AP3M2: variants seen among roughly 807,000 people sequenced by gnomAD.
AP3M2 encodes the protein AP-3 complex subunit mu-2.
In AP3M2, 28 loss-of-function variants were observed where a neutral mutation model predicts 41.6. The observed-to-expected ratio is 0.67, with a 90% CI of 0.50 to 0.92. The LOEUF is 0.92. Among genes scored for constraint, AP3M2 ranks in the 40% least tolerant of loss-of-function variants. AP3M2 has a pLI of 0.00. For missense variants in AP3M2, 427 were observed against 521.4 expected (o/e 0.82, Z 1.76); for synonymous variants, 193 against 186.4 (o/e 1.04, Z -0.29).
At chr8:42,168,277 T>A in intron 8 of AP3M2, 1 of 454,102 alleles carries the variant, frequency 2.2e-6, no homozygotes, top group Non-Finnish European at 4.4e-6. Context: ...TGTGCCGACC[T>A]TAGCACGGTA....
At chr8:42,156,159 A>G (rs551703283) in intron 2 of AP3M2, 20 of 378,724 alleles carry the variant, frequency 5.3e-5, no homozygotes, top group African/African-American at 3.8e-4. Flanking sequence ...TTCTGAGATT[A>G]ACAGTCGCAC....
intron 3 of AP3M2, among the ~76,000 whole-genome samples, chr8:42,161,442 C>CT (rs1804503073): frequency 1.3e-5 from 2 of 151,986 alleles, no homozygotes; most frequent in African/African-American, 4.8e-5. Context: ...AACCCCGTCT[C>CT]TACTAAAAAT....
At chr8:42,165,809 C>G (rs1451309740) in intron 6 of AP3M2, 2 of 392,776 alleles carry the variant, frequency 5.1e-6, no homozygotes, top group Non-Finnish European at 9.0e-6. Context: ...GTGCTTAACA[C>G]AAAGAAGTGC....
At position 42,154,739 on chromosome 8, in the gene AP3M2, A is replaced by G; in HGVS notation, c.52A>G (p.Lys18Glu). ...CTCCTCTGGAGACATTTTCCTGGAG[A>G]AACATTGGAAAAGTGTGGTCAGCCG... is the stretch of plus-strand genomic sequence containing the variant. ...INSSGDIFLE[K>E]HWKSVVSRSV... Residue 18 changes from lysine (K) to glutamate (E), a missense_variant, in exon 2 of 9, where the codon AAA (lysine) becomes GAA (glutamate). Physicochemically the swap from Lys to Glu is moderately conservative, Grantham distance 56. Around this residue, in one of 3 missense-constraint regions of AP3M2, gnomAD observed 104 missense variants for 93.8 expected, o/e 1.11. Transcript: ENST00000396926. 1 of 1,614,112 alleles carries G rather than the reference A, an allele frequency of 6.2e-7. No homozygotes were observed. The highest frequency in any genetic ancestry group is 8.5e-7 in the Non-Finnish European group (1 of 1,180,020).
intron 2 of AP3M2, chr8:42,156,189 T>C: frequency 2.9e-6 from 1 of 349,624 alleles, no homozygotes; most frequent in Non-Finnish European, 5.7e-6. Flanking sequence ...TGACAGCCGC[T>C]ATATGGCCAT....
At chr8:42,159,364 G>C (rs1433991686) in intron 3 of AP3M2, among the ~76,000 whole-genome samples, 1 of 152,142 alleles carries the variant, frequency 6.6e-6, no homozygotes, top group Non-Finnish European at 1.5e-5. Flanking sequence ...CAATTTCAAA[G>C]CACTGTAGTG....
At position 42,166,766 on chromosome 8, in the gene AP3M2, C is replaced by CA. The variant is rs1334208187; in HGVS notation, c.804-388dup. On this transcript the variant is annotated intron_variant, in intron 6 of 8. Transcript: ENST00000396926. ...AGGCTGACCGAGCCAGACCCTATCTCAAAAAAAAAAGAAAGAAATTATAAA... is the reference window on the plus strand; with the variant it reads ...AGGCTGACCGAGCCAGACCCTATCTCAAAAAAAAAAAGAAAGAAATTATAAA... The CA allele has an allele frequency of 8.6e-3, 1,534 of 179,336 alleles. 5 individuals carry two copies. The highest frequency in any genetic ancestry group is 1.0e-2 in the Non-Finnish European group (862 of 86,266). The allele number at this position is 179,336 out of a possible 1,614,324, so 11.1% of individuals were successfully genotyped here.
chr8:42,165,264 C>A, intron 5 of AP3M2, 108 bp downstream of exon 5: 1 of 1,434,034 alleles, frequency 7.0e-7, no homozygotes, highest in Non-Finnish European at 9.6e-7. Flanking sequence ...TTAGGACAGC[C>A]ACGAAGCTTG....
At chr8:42,168,093 T>G in intron 8 of AP3M2, 1 of 563,474 alleles carries the variant, frequency 1.8e-6, no homozygotes, top group Admixed American at 2.2e-5. Flanking sequence ...TTGGATCATC[T>G]TAGGGTTGTT....
chr8:42,161,935 A>G (rs1305926836), intron 3 of AP3M2: 2 of 164,682 alleles, frequency 1.2e-5, no homozygotes, highest in Non-Finnish European at 2.6e-5. Flanking sequence ...TGAAATTTTT[A>G]TATCAATATG....
Position 42,167,296 on chromosome 8 carries a change from C to A in AP3M2, c.936C>A (p.Ser312Arg). 1 of 1,614,134 alleles carries A rather than the reference C, an allele frequency of 6.2e-7. No homozygotes were observed. The highest frequency in any genetic ancestry group is 1.1e-5 in the South Asian group (1 of 91,078). Residue 312 changes from serine to arginine, a missense_variant, in exon 7 of 9, where the codon AGC (serine) becomes AGA (arginine). Transcript: ENST00000396926. Reference protein sequence around the residue: ...GKTIEGVTVTSQMPKGVLNMS... With the variant: ...GKTIEGVTVTRQMPKGVLNMS... Reference sequence around the variant, plus strand: ...CCATTGAGGGAGTGACTGTCACCAGCCAGATGCCCAAGGGGGTCCTGAACA... The same window carrying A: ...CCATTGAGGGAGTGACTGTCACCAGACAGATGCCCAAGGGGGTCCTGAACA...
intron 5 of AP3M2, 33 bp from the exon 6 acceptor site, chr8:42,165,394 C>A: frequency 6.2e-7 from 1 of 1,608,554 alleles, no homozygotes; most frequent in Non-Finnish European, 8.5e-7. Context: ...GTTTAATGCC[C>A]ACTTCTTGCT....
chr8:42,160,342 C>CA (rs1366883724), intron 3 of AP3M2, among the ~76,000 whole-genome samples: 3 of 152,156 alleles, frequency 2.0e-5, no homozygotes, highest in Non-Finnish European at 4.4e-5. Flanking sequence ...AGTCCAGAAA[C>CA]AGACCCTTGC....
At position 42,169,260 on chromosome 8, in the gene AP3M2, C is replaced by T; in HGVS notation, c.*199C>T. On this transcript the variant is annotated 3_prime_UTR_variant, in exon 9 of 9. Transcript: ENST00000396926. Reference sequence around the variant, plus strand: ...GGGAGAACTGGACAGAACTGAAACACAGCAACACCAGTTCTCAAGGACAAG... The same window carrying T: ...GGGAGAACTGGACAGAACTGAAACATAGCAACACCAGTTCTCAAGGACAAG... 2.2e-6 allele frequency: 1 copy of T among 458,188 alleles called. No individual in the cohort carries two copies. The allele number at this position is 458,188 out of a possible 1,614,324, so 28.4% of individuals were successfully genotyped here.
At chr8:42,154,998 A>G in intron 2 of AP3M2, 38 bp downstream of exon 2, 3 of 1,559,046 alleles carry the variant, frequency 1.9e-6, no homozygotes, top group Non-Finnish European at 1.8e-6. Context: ...TGTAAACCGT[A>G]AAGTGTCTTT....
At chr8:42,157,038 T>A (rs1454644864) in intron 2 of AP3M2, among the ~76,000 whole-genome samples, 1 of 152,218 alleles carries the variant, frequency 6.6e-6, no homozygotes, top group Non-Finnish European at 1.5e-5. Flanking sequence ...TTTTCCTTCA[T>A]TCTATGAGTT....
rs895658382 is a variant in AP3M2, at chr8:42,169,979, G to A, written c.*918G>A. On this transcript the variant is annotated 3_prime_UTR_variant, in exon 9 of 9. Coordinates refer to ENST00000396926, the MANE Select transcript of AP3M2 (RefSeq NM_006803.4). ...TTTTAAAAAGTAAGAGAGTTTCAGA[G>A]AAGCCGATCCCATAATCCCCAGTGC... The A allele has an allele frequency of 2.0e-5, 3 of 152,174 alleles. No individual in the cohort carries two copies. The highest frequency in any genetic ancestry group is 7.2e-5 in the African/African-American group (3 of 41,426). The allele number at this position is 152,174 out of a possible 1,614,324, so 9.4% of individuals were successfully genotyped here. A position where few individuals can be genotyped will look rare whatever the true frequency, so the allele number is the denominator to read the frequency against.
At chr8:42,164,437 A>G (rs1191673852) in intron 4 of AP3M2, among the ~76,000 whole-genome samples, 2 of 152,240 alleles carry the variant, frequency 1.3e-5, no homozygotes, top group South Asian at 2.1e-4. Flanking sequence ...GGAAGTAGGT[A>G]AAATAACCCA....
chr8:42,154,461 A>G (rs375718762), intron 1 of AP3M2, 155 bp from the exon 2 acceptor site: 1 of 545,932 alleles, frequency 1.8e-6, no homozygotes. Context: ...ACTGATCATT[A>G]TCGTTTCGAA....
Sources: allele counts gnomAD v4.1 joint callset (sites outside exome capture counted in the v4.1 genomes callset), GRCh38; gene constraint gnomAD v4.1.1; regional missense constraint gnomAD v4.1.1; transcripts MANE v1.5; gene names NCBI Gene and HGNC (gene_info 2026-07-23, HGNC 2026-07-21).